The following SLC37A1 variants were observed in gnomAD, a reference collection of about 807,000 sequenced individuals.
SLC37A1 encodes the protein glucose-6-phosphate exchanger SLC37A1.
SLC37A1 carries 49 observed loss-of-function variants against 75.3 expected under a neutral mutation model. The ratio of observed to expected loss-of-function variants is 0.65; its 90% confidence interval spans 0.52 to 0.83. The LOEUF (loss-of-function observed/expected upper bound fraction) is 0.83, where lower values mean the gene tolerates loss of function less well. SLC37A1 is among the 40% of genes least tolerant of loss of function. SLC37A1 has a pLI of 0.00. For missense variants in SLC37A1, 566 were observed against 695.0 expected (o/e 0.81, Z 2.09); for synonymous variants, 268 against 292.1 (o/e 0.92, Z 0.84).
intron 2 of SLC37A1, among the ~76,000 whole-genome samples, chr21:42,525,464 T>C (rs1391318118): frequency 6.6e-6 from 1 of 152,188 alleles, no homozygotes; most frequent in Non-Finnish European, 1.5e-5. Flanking sequence ...AGCTGGAGAA[T>C]TGCTTGGTAT....
At chr21:42,541,347 T>C (rs937614225) in intron 6 of SLC37A1, among the ~76,000 whole-genome samples, 16 of 152,176 alleles carry the variant, frequency 1.1e-4, no homozygotes, top group Non-Finnish European at 1.9e-4. Flanking sequence ...AGAGCTGGCT[T>C]ACTGCAGTGA....
At position 42,534,628 on chromosome 21, in the gene SLC37A1, T is replaced by C. The variant is rs980295898; in HGVS notation, c.139-70T>C. On this transcript the variant is annotated intron_variant, in intron 3 of 19. Transcript: ENST00000352133. ...GGGAGAGGAGGGGTGACTGTTCCTCTCTGTGCCCCATGCTGAGCCTCACTG... is the reference window on the plus strand; with the variant it reads ...GGGAGAGGAGGGGTGACTGTTCCTCCCTGTGCCCCATGCTGAGCCTCACTG... The C allele has an allele frequency of 5.8e-6, 9 of 1,546,198 alleles. No individual in the cohort carries two copies. The Admixed American group carries it at 7.1e-5, about 12-fold the overall frequency.
intron 3 of SLC37A1, among the ~76,000 whole-genome samples, chr21:42,533,411 C>T (rs1601697084): frequency 6.6e-6 from 1 of 152,160 alleles, no homozygotes; most frequent in Non-Finnish European, 1.5e-5. Flanking sequence ...AGCATGGGAG[C>T]GACAGAGGCC....
chr21:42,569,899 C>T (rs1028392452), intron 17 of SLC37A1, among the ~76,000 whole-genome samples: 2 of 152,280 alleles, frequency 1.3e-5, no homozygotes, highest in African/African-American at 4.8e-5. Context: ...AGGCCCCAGG[C>T]GCCCCCGCCC....
intron 9 of SLC37A1, among the ~76,000 whole-genome samples, chr21:42,551,666 A>G (rs760597327): frequency 5.9e-5 from 9 of 152,216 alleles, no homozygotes; most frequent in Non-Finnish European, 1.0e-4. Flanking sequence ...CAGCTACTCA[A>G]TGGTCAGATC....
rs766099132 is a variant in SLC37A1 at position 42,525,864 on chromosome 21, A to G, written c.138+7A>G. 4 of 1,609,942 alleles carry G rather than the reference A, an allele frequency of 2.5e-6. No homozygotes were observed. The East Asian group carries it at 6.7e-5, about 27-fold the overall frequency. ...GCCTATCAGCATAGTTAAGGTAAGA[A>G]TCATGGAAAGCACTGCCTGTCGTCT... is the stretch of plus-strand genomic sequence containing the variant. On this transcript the variant is annotated splice_region_variant and intron_variant, in intron 3 of 19. Transcript: ENST00000352133.
intron 2 of SLC37A1, among the ~76,000 whole-genome samples, chr21:42,524,157 C>T (rs997875147): frequency 6.6e-6 from 1 of 152,084 alleles, no homozygotes; most frequent in African/African-American, 2.4e-5. Context: ...GTTGGTGGCG[C>T]CATTTGAAGT....
At chr21:42,534,588 C>G in intron 3 of SLC37A1, 110 bp from the exon 4 acceptor site, 1 of 1,394,246 alleles carries the variant, frequency 7.2e-7, no homozygotes, top group South Asian at 1.5e-5. Flanking sequence ...GTGCAGGTGC[C>G]CTGGGCAGGC....
intron 2 of SLC37A1, among the ~76,000 whole-genome samples, chr21:42,518,864 T>G (rs756354903): frequency 1.3e-5 from 2 of 152,176 alleles, no homozygotes; most frequent in Non-Finnish European, 2.9e-5. Context: ...TACACAACTC[T>G]GAGATCAGAT....
At position 42,542,401 on chromosome 21, in the gene SLC37A1, CA is replaced by C. The variant is rs766370245; in HGVS notation, c.487-2del. 6.2e-7 allele frequency: 1 copy of C among 1,613,678 alleles called. No individual in the cohort carries two copies. The highest frequency in any genetic ancestry group is 1.7e-5 in the Admixed American group (1 of 60,014). Reference sequence around the variant, plus strand: ...TCAGTCTCTCCTTTGGCCTCTCCTGCAGGTCATCAACGGGCTGGTGCAGACC... The same window carrying C: ...TCAGTCTCTCCTTTGGCCTCTCCTGCGGTCATCAACGGGCTGGTGCAGACC... On this transcript the variant is annotated splice_acceptor_variant, in intron 6 of 19. Transcript: ENST00000352133. LOFTEE classifies it high-confidence loss of function.
rs185862358 is a variant in SLC37A1, at chr21:42,543,982, T to C, written c.730+380T>C. On this transcript the variant is annotated intron_variant, in intron 8 of 19. Transcript: ENST00000352133. ...CAGCTCTTTGCCTTCTGATAAGATATATCTTGGACAGTGTTATAAAAGACT... is the reference window on the plus strand; with the variant it reads ...CAGCTCTTTGCCTTCTGATAAGATACATCTTGGACAGTGTTATAAAAGACT... 4.5e-3 allele frequency among the ~76,000 whole-genome samples: 693 copies of C among 152,378 alleles called. 6 individuals are homozygous for C. Among genetic ancestry groups the C allele is most frequent in the African/African-American group, 0.015 (636 of 41,584 alleles).
chr21:42,517,395 T>C (rs1191384647), intron 1 of SLC37A1, among the ~76,000 whole-genome samples: 6 of 152,134 alleles, frequency 3.9e-5, no homozygotes, highest in Non-Finnish European at 7.4e-5. Flanking sequence ...CTGGAGCAGA[T>C]AGAAGAGATG....
chr21:42,577,718 C>T (rs1260009207), intron 18 of SLC37A1, among the ~76,000 whole-genome samples: 3 of 152,226 alleles, frequency 2.0e-5, no homozygotes, highest in South Asian at 4.1e-4. Context: ...GCCAGCAACA[C>T]AGTGACAATA....
At chr21:42,577,306 C>T (rs1011895111) in intron 18 of SLC37A1, among the ~76,000 whole-genome samples, 1 of 152,186 alleles carries the variant, frequency 6.6e-6, no homozygotes, top group Non-Finnish European at 1.5e-5. Flanking sequence ...GTGTGATCCT[C>T]CAGCTGGGAA....
At position 42,546,000 on chromosome 21, in the gene SLC37A1, C is replaced by G. The variant is rs925677788; in HGVS notation, c.731-1103C>G. On this transcript the variant is annotated intron_variant, in intron 8 of 19. Transcript: ENST00000352133. The surrounding 1 kb of genome is among the most constrained non-coding windows in gnomAD (Gnocchi z 4.0). ...AGGCCAGCAGGAGTGTGCTCGGCAG[C>G]TGCATGTCCCTCTATGATGTCACCC... 6.6e-6 allele frequency among the ~76,000 whole-genome samples: 1 copy of G among 152,240 alleles called. No homozygotes were observed. Among genetic ancestry groups the G allele is most frequent in the African/African-American group, 2.4e-5 (1 of 41,458 alleles).
chr21:42,540,764 C>T (rs929882444), intron 6 of SLC37A1, among the ~76,000 whole-genome samples: 5 of 152,180 alleles, frequency 3.3e-5, no homozygotes, highest in Non-Finnish European at 7.3e-5. Flanking sequence ...AACCATCAAG[C>T]AGATTGTATT....
intron 10 of SLC37A1, among the ~76,000 whole-genome samples, chr21:42,556,397 G>T (rs2055692587): frequency 1.3e-5 from 2 of 152,212 alleles, no homozygotes; most frequent in Non-Finnish European, 2.9e-5. Context: ...CGCCAAGTGG[G>T]GACTCCACAA....
chr21:42,513,031 C>G (rs1234103672), upstream of SLC37A1, among the ~76,000 whole-genome samples: 2 of 152,146 alleles, frequency 1.3e-5, no homozygotes, highest in Non-Finnish European at 2.9e-5. Flanking sequence ...TTGTTTTATC[C>G]GGGGGCAGGC....
chr21:42,556,716 C>T (rs1313267502), intron 10 of SLC37A1, among the ~76,000 whole-genome samples: 1 of 152,212 alleles, frequency 6.6e-6, no homozygotes, highest in Non-Finnish European at 1.5e-5. Context: ...GCCTCTTGGC[C>T]TCCAGCCTTG....
Sources: allele counts gnomAD v4.1 joint callset (sites outside exome capture counted in the v4.1 genomes callset), GRCh38; gene constraint gnomAD v4.1.1; non-coding constraint Gnocchi (gnomAD v3.1); transcripts MANE v1.5; gene names NCBI Gene and HGNC (gene_info 2026-07-23, HGNC 2026-07-21).